Variants in FSCN2 observed in about 807,000 individuals in gnomAD.
FSCN2 encodes the protein fascin actin-bundling protein 2, retinal.
Under a neutral mutation model 37.8 loss-of-function variants are expected in FSCN2, and 46 were observed. The ratio of observed to expected loss-of-function variants is 1.22; its 90% CI spans 0.96 to 1.56. The LOEUF is 1.56. FSCN2 is among the 40% of genes most tolerant of loss of function. The pLI is 0.00. For synonymous variants in FSCN2, 351 were observed against 309.4 expected (o/e 1.13, Z -1.41); for missense variants, 844 against 730.4 (o/e 1.16, Z -1.79).
chr17:81,533,914 G>A lies in FSCN2; in HGVS notation c.827-1138G>A, dbSNP rs191136446. On this transcript the variant is annotated intron_variant, in intron 1 of 4. Coordinates refer to ENST00000417245, the MANE Select transcript of FSCN2 (RefSeq NM_012418.4). Reference sequence around the variant, plus strand: ...GGCTTCCTTCAGTGCCCGCAGGGACGGCGTTCCCACACCTCTCATGGGCCC... The same window carrying A: ...GGCTTCCTTCAGTGCCCGCAGGGACAGCGTTCCCACACCTCTCATGGGCCC... 2.8e-3 allele frequency among the ~76,000 whole-genome samples: 430 copies of A among 152,270 alleles called. 3 individuals carry two copies. The highest frequency in any genetic ancestry group is 9.7e-3 in the African/African-American group (402 of 41,562).
the FSCN2 span, among the ~76,000 whole-genome samples, chr17:81,522,274 G>GAATTACAGCCCGGCC: frequency 1.3e-5 from 2 of 152,230 alleles, no homozygotes; most frequent in Admixed American, 6.5e-5. Context: ...AAAAGTGCTT[G>GAATTACAGCCCGGCC]AATTACAGCC....
chr17:81,532,583 AGTGATGGTGATGGTGATGATG>A lies in FSCN2; in HGVS notation c.827-2456_827-2436del, dbSNP rs1422128336. Among the ~76,000 whole-genome samples the A allele has an allele frequency of 7.2e-5, 4 of 55,394 alleles. No individual in the cohort carries two copies. The East Asian group carries it at 2.9e-3, about 41-fold the overall frequency. The allele number at this position is 55,394 out of a possible 152,430, so 36.3% of individuals were successfully genotyped here. On this transcript the variant is annotated intron_variant, in intron 1 of 4. Transcript: ENST00000417245. Reference sequence around the variant, plus strand: ...TGGTGATGGTGATGGTGGTGATGATAGTGATGGTGATGGTGATGATGGTGATGGTGATGATAATGGTGATGA... The same window carrying A: ...TGGTGATGGTGATGGTGGTGATGATAGTGATGGTGATGATAATGGTGATGA...
Position 81,536,857 on chromosome 17 carries a change from C to T in FSCN2, c.1274-18C>T, listed in dbSNP as rs764050879. On this transcript the variant is annotated intron_variant, in intron 4 of 4. Coordinates refer to ENST00000417245, the MANE Select transcript of FSCN2 (RefSeq NM_012418.4). Reference sequence around the variant, plus strand: ...GCGGGCAGGTGGGCACCCCCGCCGACGCCGTCCCGTCCCCCAGGCCGCGAC... The same window carrying T: ...GCGGGCAGGTGGGCACCCCCGCCGATGCCGTCCCGTCCCCCAGGCCGCGAC... 1.5e-5 allele frequency: 23 copies of T among 1,556,564 alleles called. No homozygotes were observed. The African/African-American group carries it at 1.5e-4, about 10-fold the overall frequency.
At chr17:81,534,557 G>A (rs2032789051) in intron 1 of FSCN2, among the ~76,000 whole-genome samples, 1 of 151,976 alleles carries the variant, frequency 6.6e-6, no homozygotes, top group Non-Finnish European at 1.5e-5. Flanking sequence ...GGGGTCCTGG[G>A]AGACCAAGCA....
At chr17:81,529,405 C>G (rs943620302) in intron 1 of FSCN2, 48 bp downstream of exon 1, 26 of 1,414,934 alleles carry the variant, frequency 1.8e-5, no homozygotes, top group Non-Finnish European at 2.5e-5. Context: ...TGGGACCCCC[C>G]TGCTTCAGGG....
the FSCN2 span, chr17:81,519,243 C>G: frequency 6.6e-6 from 1 of 152,296 alleles, no homozygotes; most frequent in Non-Finnish European, 1.5e-5. Flanking sequence ...CCTGCGCCCC[C>G]TCCCCACGCA....
intron 1 of FSCN2, 93 bp downstream of exon 1, chr17:81,529,450 G>T: frequency 2.1e-6 from 2 of 969,154 alleles, no homozygotes; most frequent in Admixed American, 2.0e-5. Context: ...GAGTGGTATC[G>T]TGTCTGTGCG....
intron 1 of FSCN2, chr17:81,529,986 T>G (rs1008755398): frequency 4.3e-5 from 13 of 302,520 alleles, no homozygotes; most frequent in Non-Finnish European, 7.7e-5. Context: ...ATTTTTTGTA[T>G]TTTTTAGAAG....
the FSCN2 span, among the ~76,000 whole-genome samples, chr17:81,522,480 G>A: frequency 6.6e-6 from 1 of 152,354 alleles, no homozygotes; most frequent in Non-Finnish European, 1.5e-5. Flanking sequence ...ACCGTAGAGT[G>A]ATAAATGGTC....
rs1383851358 is a variant in FSCN2, at chr17:81,531,288, ATGG to A, written c.826+1937_826+1939del. 8.1e-4 allele frequency among the ~76,000 whole-genome samples: 39 copies of A among 48,250 alleles called. No homozygotes were observed. In the East Asian group the frequency reaches 8.3e-3, roughly 10 times the overall value. 31.7% of individuals were successfully genotyped at this position (48,250 alleles called of 152,430 possible). A position where few individuals can be genotyped will look rare whatever the true frequency, so the allele number is the denominator to read the frequency against. On this transcript the variant is annotated intron_variant, in intron 1 of 4. Coordinates refer to ENST00000417245, the MANE Select transcript of FSCN2 (RefSeq NM_012418.4). Reference sequence around the variant, plus strand: ...GGTGGTGATGGCGGTGGTGATGGTGATGGTGGTGATGGTGATGGTGGTGGTGGT... The same window carrying A: ...GGTGGTGATGGCGGTGGTGATGGTGATGGTGATGGTGATGGTGGTGGTGGT...
chr17:81,521,268 A>G, the FSCN2 span, among the ~76,000 whole-genome samples: 10 of 150,986 alleles, frequency 6.6e-5, no homozygotes, highest in Admixed American at 1.3e-4. Context: ...GGGTTTCTCC[A>G]TGTTGGTCAG....
At chr17:81,536,045 G>A in intron 2 of FSCN2, 101 bp from the exon 3 acceptor site, 1 of 1,439,314 alleles carries the variant, frequency 6.9e-7, no homozygotes, top group Non-Finnish European at 9.4e-7. Flanking sequence ...GTGGAGGGCA[G>A]GCTTCTGTCC....
chr17:81,517,972 C>T, the FSCN2 span, among the ~76,000 whole-genome samples: 1 of 152,142 alleles, frequency 6.6e-6, no homozygotes, highest in Non-Finnish European at 1.5e-5. Context: ...GCCATGCCTG[C>T]TCCCTGGCAG....
At chr17:81,536,839 G>C in intron 4 of FSCN2, 36 bp from the exon 5 acceptor site, 4 of 1,552,084 alleles carry the variant, frequency 2.6e-6, no homozygotes, top group Non-Finnish European at 3.5e-6. Flanking sequence ...GCAGCGGGCA[G>C]GTGGGCACCC....
At chr17:81,520,154 A>G in the FSCN2 span, among the ~76,000 whole-genome samples, 9 of 152,268 alleles carry the variant, frequency 5.9e-5, no homozygotes, top group South Asian at 1.4e-3. Context: ...GCTCCGGGAA[A>G]GTCAGAGGGG....
At chr17:81,535,545 CCCATCT>C (rs1233578170) in intron 2 of FSCN2, among the ~76,000 whole-genome samples, 23 of 123,158 alleles carry the variant, frequency 1.9e-4, no homozygotes, top group Non-Finnish European at 1.7e-5. Context: ...CATCACCATC[CCCATCT>C]CCATCACCAC....
Position 81,536,906 on chromosome 17 carries a change from C to T in FSCN2, c.1305C>T (p.Ser435=), listed in dbSNP as rs2032902442. The change falls in exon 5 of 5, where the codon AGC becomes AGT. Residue 435 remains serine, a synonymous_variant. Coordinates refer to ENST00000417245, the MANE Select transcript of FSCN2 (RefSeq NM_012418.4). ...ACGGAGGGTTCTGGTACACGGGCAG[C>T]CACGGCAGCGTGTGCAGCGACGGCG... is the stretch of plus-strand genomic sequence containing the variant. ...GRDGGFWYTG[S]HGSVCSDGER... is the part of the protein sequence containing the mutation. The T allele has an allele frequency of 1.3e-6, 2 of 1,576,428 alleles. No individual in the cohort carries two copies. The highest frequency in any genetic ancestry group is 8.6e-7 in the Non-Finnish European group (1 of 1,164,678).
At chr17:81,524,919 A>ACACCCC (rs10677990), upstream of FSCN2, among the ~76,000 whole-genome samples, 4 of 142,468 alleles carry the variant, frequency 2.8e-5, no homozygotes, top group Non-Finnish European at 4.6e-5. Context: ...ACACACACAC[A>ACACCCC]CCACACTCAC....
intron 1 of FSCN2, 58 bp from the exon 2 acceptor site, chr17:81,534,994 C>G (rs2032800866): frequency 5.9e-6 from 8 of 1,366,160 alleles, no homozygotes; most frequent in African/African-American, 1.5e-5. Context: ...AAATATGCCC[C>G]CTCCCCTGCT....
Sources: gnomAD v4.1 joint callset for allele counts (sites outside exome capture counted in the v4.1 genomes callset) on GRCh38, gnomAD v4.1.1 for gene constraint, MANE v1.5 for transcripts, NCBI Gene and HGNC (gene_info 2026-07-23, HGNC 2026-07-21) for gene names.